The following MTUS1 variants were observed in gnomAD, a reference collection of about 807,000 sequenced individuals.
MTUS1 encodes the protein microtubule associated scaffold protein 1, also known as microtubule-associated tumor suppressor 1.
Under a neutral mutation model 120.8 loss-of-function variants are expected in MTUS1, and 109 were observed. That is an observed-to-expected ratio of 0.90 (90% CI 0.77 to 1.06). MTUS1 has a LOEUF of 1.06. Ranked by LOEUF, MTUS1 falls within the 50% of genes least tolerant of loss-of-function variation. The probability of loss-of-function intolerance (pLI) is 0.00; values close to 1 mark genes in which losing one functional copy is unlikely to be tolerated. For synonymous variants in MTUS1, 737 were observed against 550.5 expected, an observed-to-expected ratio of 1.34 and a Z score of -4.74; for missense variants, 2,210 against 1,486.3, an observed-to-expected ratio of 1.49 and a Z score of -8.01.
Position 17,664,737 on chromosome 8 carries a change from G to A in MTUS1, c.2906-8672C>T, listed in dbSNP as rs150863506. On this transcript the variant is annotated intron_variant, in intron 8 of 14. Coordinates refer to ENST00000693296, the MANE Select transcript of MTUS1 (RefSeq NM_001363059.2). ...GATGATGTCATAACATTCTACTAAG[G>A]GAAATCCGAGGAAATCCGATCCTGA... is the stretch of plus-strand genomic sequence containing the variant. Among the ~76,000 whole-genome samples, 74 of 152,130 alleles carry A rather than the reference G, an allele frequency of 4.9e-4. 1 individual carries two copies. The East Asian group carries it at 0.014, about 29-fold the overall frequency.
intron 5 of MTUS1, among the ~76,000 whole-genome samples, chr8:17,714,979 C>T (rs918342744): frequency 8.7e-5 from 12 of 138,502 alleles, no homozygotes; most frequent in African/African-American, 3.2e-4. Context: ...GATCTCGGCT[C>T]ACTGCAACCT....
rs766037683 is a variant in MTUS1 at position 17,684,480 on chromosome 8, C to T, written c.2686G>A (p.Ala896Thr). 1 of 1,614,194 alleles carries T rather than the reference C, an allele frequency of 6.2e-7. No homozygotes were observed. Among genetic ancestry groups the T allele is most frequent in the Non-Finnish European group, 8.5e-7 (1 of 1,180,028 alleles). Residue 896 changes from alanine (A) to threonine (T), a missense_variant, in exon 7 of 15, where the codon GCG becomes ACG. Transcript: ENST00000693296. ...LCIQPQTAPDALPPEKTLELT... is the reference protein window; with the variant it reads ...LCIQPQTAPDTLPPEKTLELT... ...TCAAGTGTTTTCTCAGGGGGCAGCGCATCGGGAGCTGTCTGTGGCTGGATA... is the reference window on the plus strand; with the variant it reads ...TCAAGTGTTTTCTCAGGGGGCAGCGTATCGGGAGCTGTCTGTGGCTGGATA...
At chr8:17,685,462 A>C (rs1815578490) in intron 6 of MTUS1, among the ~76,000 whole-genome samples, 1 of 151,932 alleles carries the variant, frequency 6.6e-6, no homozygotes, top group Non-Finnish European at 1.5e-5. Context: ...ATCTGGAAAA[A>C]AGACACAAGA....
At chr8:17,766,627 G>C (rs2049518543) in intron 1 of MTUS1, among the ~76,000 whole-genome samples, 1 of 152,202 alleles carries the variant, frequency 6.6e-6, no homozygotes, top group East Asian at 1.9e-4. Context: ...CGCATGGCAG[G>C]AGCCTGTGTA....
Position 17,751,977 on chromosome 8 carries a change from A to G in MTUS1, c.2091+1740T>C, listed in dbSNP as rs1032020344. On this transcript the variant is annotated intron_variant, in intron 2 of 14. Coordinates refer to ENST00000693296, the MANE Select transcript of MTUS1 (RefSeq NM_001363059.2). ...TTTCAAGACTTACAAAGTATTTCAT[A>G]TCTAATTATGAATCCTAACAGCCAG... Among the ~76,000 whole-genome samples, 9 of 152,080 alleles carry G rather than the reference A, an allele frequency of 5.9e-5. 1 individual carries two copies. Among genetic ancestry groups the G allele is most frequent in the Admixed American group, 5.9e-4 (9 of 15,258 alleles).
chr8:17,784,669 A>G (rs1229192537), intron 1 of MTUS1, among the ~76,000 whole-genome samples: 1 of 152,234 alleles, frequency 6.6e-6, no homozygotes. Flanking sequence ...AGGAATGTAT[A>G]CAATAGCATG....
At chr8:17,792,049 T>C (rs2051830876) in intron 1 of MTUS1, among the ~76,000 whole-genome samples, 1 of 152,146 alleles carries the variant, frequency 6.6e-6, no homozygotes, top group African/African-American at 2.4e-5. Flanking sequence ...ATGAACCCAA[T>C]TTTGCCTGTT....
chr8:17,801,490 C>CGACT (rs2052671307), upstream of MTUS1: 1 of 140,078 alleles, frequency 7.1e-6, no homozygotes, highest in Non-Finnish European at 1.5e-5. Context: ...CTCGGGCGCT[C>CGACT]CCGCTCTCCG....
At chr8:17,654,501 AAAC>A (rs1807764179) in intron 10 of MTUS1, 57 bp downstream of exon 10, 20 of 1,164,648 alleles carry the variant, frequency 1.7e-5, no homozygotes, top group Non-Finnish European at 2.6e-5. Context: ...TTCCATCTTA[AAAC>A]ATCATGTGGT....
chr8:17,667,202 A>G (rs540938623), intron 8 of MTUS1, among the ~76,000 whole-genome samples: 1 of 152,302 alleles, frequency 6.6e-6, no homozygotes, highest in East Asian at 1.9e-4. Context: ...GCAGATGTGG[A>G]TAGGAAGAGA....
intron 7 of MTUS1, among the ~76,000 whole-genome samples, chr8:17,679,492 T>C (rs1813856759): frequency 1.0e-5 from 1 of 95,928 alleles, no homozygotes; most frequent in Non-Finnish European, 2.6e-5. Context: ...TTTTATTTTA[T>C]TTATTTATTT....
At chr8:17,675,342 C>T (rs1265469867) in intron 7 of MTUS1, 90 bp from the exon 8 acceptor site, 1 of 1,141,948 alleles carries the variant, frequency 8.8e-7, no homozygotes, top group Non-Finnish European at 1.3e-6. Flanking sequence ...AAATGAGACC[C>T]AGTATTGGGA....
intron 3 of MTUS1, among the ~76,000 whole-genome samples, chr8:17,724,499 TA>T (rs1283330570): frequency 6.6e-6 from 1 of 151,794 alleles, no homozygotes; most frequent in Non-Finnish European, 1.5e-5. Flanking sequence ...TTTTTTTTTT[TA>T]ATCTCACCTT....
chr8:17,692,968 T>C (rs1256076040), intron 6 of MTUS1, among the ~76,000 whole-genome samples: 1 of 152,228 alleles, frequency 6.6e-6, no homozygotes, highest in African/African-American at 2.4e-5. Context: ...GTAATCACTT[T>C]TAATGTCACT....
intron 6 of MTUS1, among the ~76,000 whole-genome samples, chr8:17,689,001 C>G (rs187822345): frequency 1.5e-3 from 228 of 152,162 alleles, no homozygotes; most frequent in Middle Eastern, 3.4e-3. Context: ...CACAAAGTCA[C>G]GTGATTGAGA....
intron 1 of MTUS1, among the ~76,000 whole-genome samples, chr8:17,793,920 A>G (rs1300390787): frequency 6.6e-6 from 1 of 152,216 alleles, no homozygotes; most frequent in African/African-American, 2.4e-5. Context: ...TGCACTTTTC[A>G]CAATGATTGG....
intron 3 of MTUS1, among the ~76,000 whole-genome samples, chr8:17,731,728 A>G (rs1203286674): frequency 1.3e-5 from 2 of 152,230 alleles, no homozygotes; most frequent in African/African-American, 4.8e-5. Context: ...GCAGATCAAA[A>G]AAAAATCCTA....
At chr8:17,767,226 AAC>A (rs560110463) in intron 1 of MTUS1, among the ~76,000 whole-genome samples, 1,557 of 150,802 alleles carry the variant, frequency 0.01, 31 homozygotes, top group African/African-American at 0.036. Flanking sequence ...ATTTATAAAA[AAC>A]AGTTTCATAA....
chr8:17,679,690 A>G (rs1813928680), intron 7 of MTUS1, among the ~76,000 whole-genome samples: 1 of 151,806 alleles, frequency 6.6e-6, no homozygotes, highest in African/African-American at 2.4e-5. Context: ...TTTGGTAGAG[A>G]CAGGGTTTCG....
Sources: allele counts gnomAD v4.1 joint callset (sites outside exome capture counted in the v4.1 genomes callset), GRCh38; gene constraint gnomAD v4.1.1; transcripts MANE v1.5; gene names NCBI Gene and HGNC (gene_info 2026-07-23, HGNC 2026-07-21).